Variants in ADORA2B observed in about 807,000 individuals in gnomAD.
ADORA2B encodes the protein adenosine receptor A2b.
Under a neutral mutation model 20.8 loss-of-function variants are expected in ADORA2B, and 18 were observed. The ratio of observed to expected loss-of-function variants is 0.87; its 90% CI spans 0.60 to 1.29. ADORA2B has a LOEUF of 1.29. ADORA2B is among the 50% of genes most tolerant of loss of function. The probability of loss-of-function intolerance (pLI) is 0.00; values close to 1 mark genes in which losing one functional copy is unlikely to be tolerated. For synonymous variants in ADORA2B, 179 were observed against 178.3 expected, an observed-to-expected ratio of 1.00 and a Z score of -0.03; for missense variants, 441 against 422.7, an observed-to-expected ratio of 1.04 and a Z score of -0.38.
At chr17:15,859,150 A>G in the ADORA2B span, among the ~76,000 whole-genome samples, 25 of 152,124 alleles carry the variant, frequency 1.6e-4, no homozygotes, top group Admixed American at 5.9e-4. Flanking sequence ...CAAGATGCAT[A>G]CTAAAGTTGA....
intron 1 of ADORA2B, among the ~76,000 whole-genome samples, chr17:15,950,722 A>C (rs985661425): frequency 2.0e-5 from 3 of 152,180 alleles, no homozygotes; most frequent in African/African-American, 7.2e-5. Context: ...GCAGAGACAC[A>C]GAGAGTGAAA....
At chr17:15,956,584 G>A (rs1189367631) in intron 1 of ADORA2B, among the ~76,000 whole-genome samples, 1 of 128,860 alleles carries the variant, frequency 7.8e-6, no homozygotes, top group African/African-American at 2.8e-5. Context: ...GGATGATTAT[G>A]TGTGTCTTTT....
intron 1 of ADORA2B, among the ~76,000 whole-genome samples, chr17:15,964,912 T>A (rs1036274762): frequency 6.6e-6 from 1 of 151,832 alleles, no homozygotes; most frequent in African/African-American, 2.4e-5. Flanking sequence ...ATACAAAAAA[T>A]TAGCCCGTGT....
the ADORA2B span, among the ~76,000 whole-genome samples, chr17:15,888,848 A>C: frequency 2.4e-4 from 3 of 12,652 alleles, no homozygotes; most frequent in Non-Finnish European, 3.6e-4. Flanking sequence ...ATATATATAT[A>C]TATTTTTTTT....
Position 15,975,263 on chromosome 17 carries a change from G to A in ADORA2B, c.920G>A (p.Arg307Lys), listed in dbSNP as rs772327012. The A allele has an allele frequency of 8.7e-6, 14 of 1,613,630 alleles. No individual in the cohort carries two copies. The highest frequency in any genetic ancestry group is 1.2e-5 in the Non-Finnish European group (14 of 1,180,022). Residue 307 changes from arginine to lysine, a missense_variant, in exon 2 of 2, where the codon AGG becomes AAG. Physicochemically the swap from Arg to Lys is conservative, Grantham distance 26. Transcript: ENST00000304222. ...TACACTTTTCACAAAATTATCTCCA[G>A]GTATCTTCTCTGCCAAGCAGATGTC... Reference protein sequence around the residue: ...FRYTFHKIISRYLLCQADVKS... With the variant: ...FRYTFHKIISKYLLCQADVKS...
At chr17:15,903,177 G>A in the ADORA2B span, among the ~76,000 whole-genome samples, 1 of 152,190 alleles carries the variant, frequency 6.6e-6, no homozygotes, top group South Asian at 2.1e-4. Flanking sequence ...AAGTAAATTA[G>A]GGCTTTCTGG....
At chr17:15,945,618 CG>C in intron 1 of ADORA2B, 35 bp downstream of exon 1, 1 of 1,437,388 alleles carries the variant, frequency 7.0e-7, no homozygotes, top group Admixed American at 2.7e-5. Context: ...CTCGGGGCCC[CG>C]TCGGAGCTCC....
chr17:15,892,992 T>C, the ADORA2B span, among the ~76,000 whole-genome samples: 2 of 152,224 alleles, frequency 1.3e-5, no homozygotes, highest in Non-Finnish European at 2.9e-5. Context: ...TCATGAGTAC[T>C]GTCTCTACAT....
At chr17:15,913,395 C>T in the ADORA2B span, among the ~76,000 whole-genome samples, 2 of 152,194 alleles carry the variant, frequency 1.3e-5, no homozygotes, top group Non-Finnish European at 2.9e-5. Flanking sequence ...TAAACACCTC[C>T]GCATCCAGCC....
chr17:15,922,378 A>G, the ADORA2B span, among the ~76,000 whole-genome samples: 1 of 152,230 alleles, frequency 6.6e-6, no homozygotes, highest in African/African-American at 2.4e-5. Context: ...TCTCCAAGAC[A>G]CATTGCTATC....
the ADORA2B span, among the ~76,000 whole-genome samples, chr17:15,867,912 G>A: frequency 6.6e-6 from 1 of 152,014 alleles, no homozygotes; most frequent in Non-Finnish European, 1.5e-5. Context: ...TGACAATGGC[G>A]GTTTTGTGGA....
the ADORA2B span, among the ~76,000 whole-genome samples, chr17:15,868,598 C>G: frequency 1.6e-5 from 2 of 123,368 alleles, 1 homozygote; most frequent in Non-Finnish European, 3.6e-5. Context: ...CAGTGAAACC[C>G]CGTTCTCTAC....
At chr17:15,898,125 C>G in the ADORA2B span, among the ~76,000 whole-genome samples, 1 of 152,096 alleles carries the variant, frequency 6.6e-6, no homozygotes, top group African/African-American at 2.4e-5. Context: ...ACACATCTGA[C>G]CAGGGTGGAG....
At chr17:15,894,686 A>G in the ADORA2B span, among the ~76,000 whole-genome samples, 12 of 152,196 alleles carry the variant, frequency 7.9e-5, no homozygotes, top group Non-Finnish European at 5.9e-5. Context: ...GATTGGTTGT[A>G]GGGGAGGAGG....
the ADORA2B span, among the ~76,000 whole-genome samples, chr17:15,891,004 C>T: frequency 5.9e-5 from 9 of 152,222 alleles, no homozygotes; most frequent in South Asian, 2.1e-4. Flanking sequence ...CAGTGGCTCA[C>T]GCCTGTAATC....
the ADORA2B span, among the ~76,000 whole-genome samples, chr17:15,894,678 T>C: frequency 6.6e-6 from 1 of 151,964 alleles, no homozygotes; most frequent in Admixed American, 6.6e-5. Flanking sequence ...TAGTGACAGA[T>C]TGGTTGTAGG....
chr17:15,855,017 C>T, the ADORA2B span, among the ~76,000 whole-genome samples: 8 of 151,948 alleles, frequency 5.3e-5, no homozygotes, highest in Non-Finnish European at 2.9e-5. Flanking sequence ...GCAACCTCCA[C>T]CTCCTGGGTT....
At chr17:15,918,861 G>C in the ADORA2B span, among the ~76,000 whole-genome samples, 4 of 152,188 alleles carry the variant, frequency 2.6e-5, no homozygotes, top group African/African-American at 9.7e-5. Context: ...TTCAGATTTT[G>C]CTGGCAGCCG....
intron 1 of ADORA2B, among the ~76,000 whole-genome samples, chr17:15,948,503 A>G (rs528883830): frequency 7.0e-6 from 1 of 142,514 alleles, no homozygotes; most frequent in South Asian, 2.2e-4. Context: ...CCATGCCCAA[A>G]GCTGCTCCCA....
Sources: allele counts gnomAD v4.1 joint callset (sites outside exome capture counted in the v4.1 genomes callset), GRCh38; gene constraint gnomAD v4.1.1; transcripts MANE v1.5; gene names NCBI Gene and HGNC (gene_info 2026-07-23, HGNC 2026-07-21).